OPHN1: variants seen among roughly 807,000 people sequenced by gnomAD.
OPHN1 encodes the protein oligophrenin 1, also known as oligophrenin-1.
OPHN1 carries 11 observed loss-of-function variants against 60.7 expected under a neutral mutation model. The ratio of observed to expected loss-of-function variants is 0.18; its 90% confidence interval spans 0.11 to 0.30. The LOEUF is 0.30. OPHN1 is among the 10% of genes least tolerant of loss of function. OPHN1 has a pLI of 1.00. For missense variants in OPHN1, 449 were observed against 611.0 expected, an observed-to-expected ratio of 0.73 and a Z score of 2.80; for synonymous variants, 226 against 222.6, an observed-to-expected ratio of 1.02 and a Z score of -0.14.
chrX:68,283,010 T>G, intron 4 of OPHN1, 46 bp downstream of exon 4: 1 of 1,027,431 alleles, frequency 9.7e-7, no homozygotes, highest in Non-Finnish European at 1.4e-6. Context: ...AAAAATCCCC[T>G]ATATCACCCA....
chrX:68,407,304 C>A lies in OPHN1; in HGVS notation c.154+25563G>T, dbSNP rs1167070576. On this transcript the variant is annotated intron_variant, in intron 2 of 24. Transcript: ENST00000355520. Reference sequence around the variant, plus strand: ...TTCTAGCCATCATGTGTCCATTGGGCAGCTCACTTGGTATCTTTCAGCTCA... The same window carrying A: ...TTCTAGCCATCATGTGTCCATTGGGAAGCTCACTTGGTATCTTTCAGCTCA... Among the ~76,000 whole-genome samples the A allele has an allele frequency of 2.7e-5, 3 of 112,327 alleles. No individual in the cohort carries two copies. In the Admixed American group the frequency reaches 2.9e-4, roughly 11 times the overall value.
intron 5 of OPHN1, among the ~76,000 whole-genome samples, chrX:68,255,019 A>G (rs1364889072): frequency 2.3e-5 from 2 of 87,711 alleles, no homozygotes; most frequent in African/African-American, 6.5e-5. Flanking sequence ...TGCCTCAAGA[A>G]AAAAAAAAAA....
intron 5 of OPHN1, among the ~76,000 whole-genome samples, chrX:68,259,248 C>T (rs755163552): frequency 2.1e-4 from 23 of 111,017 alleles, no homozygotes; most frequent in Admixed American, 1.7e-3. Context: ...ACCAGGAGTT[C>T]GAGACCAGTC....
At position 68,212,072 on chromosome X, in the gene OPHN1, G is replaced by T. The variant is rs200271422; in HGVS notation, c.702+36C>A. 9.9e-6 allele frequency: 10 copies of T among 1,013,161 alleles called. No homozygotes were observed. The South Asian group carries it at 1.8e-4, about 18-fold the overall frequency. The allele number at this position is 1,013,161 out of a possible 1,213,427, so 83.5% of individuals were successfully genotyped here. A position where few individuals can be genotyped will look rare whatever the true frequency, so the allele number is the denominator to read the frequency against. Reference sequence around the variant, plus strand: ...CTAGGGCTGAAATTCAATCGGAATGGAAAGACCGGTGAGAAAAATCCACAT... The same window carrying T: ...CTAGGGCTGAAATTCAATCGGAATGTAAAGACCGGTGAGAAAAATCCACAT... On this transcript the variant is annotated intron_variant, in intron 8 of 24. Coordinates refer to ENST00000355520, the MANE Select transcript of OPHN1 (RefSeq NM_002547.3).
chrX:68,368,960 G>A (rs993777766), intron 2 of OPHN1, among the ~76,000 whole-genome samples: 2 of 111,877 alleles, frequency 1.8e-5, no homozygotes, highest in African/African-American at 6.5e-5. Flanking sequence ...TGTAATCCCA[G>A]CACTTTGGGA....
intron 2 of OPHN1, among the ~76,000 whole-genome samples, chrX:68,370,154 A>G (rs1490727261): frequency 2.8e-5 from 3 of 105,625 alleles, no homozygotes; most frequent in African/African-American, 1.1e-4. Flanking sequence ...TTACCAATAG[A>G]CCTGCCCTAC....
intron 2 of OPHN1, among the ~76,000 whole-genome samples, chrX:68,409,300 C>G (rs2078758538): frequency 9.0e-6 from 1 of 111,405 alleles, no homozygotes; most frequent in African/African-American, 3.3e-5. Flanking sequence ...GTGCTTTCTG[C>G]TGGGCCACAC....
intron 2 of OPHN1, among the ~76,000 whole-genome samples, chrX:68,393,551 T>G (rs1301527207): frequency 8.9e-6 from 1 of 112,141 alleles, no homozygotes; most frequent in African/African-American, 3.2e-5. Context: ...AATTTGACAT[T>G]TGCATTTATT....
intron 23 of OPHN1, among the ~76,000 whole-genome samples, chrX:68,049,503 C>T (rs1007718058): frequency 9.0e-6 from 1 of 111,706 alleles, no homozygotes; most frequent in African/African-American, 3.3e-5. Context: ...CTGTTCCATT[C>T]CCACTGGGAA....
intron 21 of OPHN1, among the ~76,000 whole-genome samples, chrX:68,059,021 A>C: frequency 8.9e-6 from 1 of 112,099 alleles, no homozygotes; most frequent in Middle Eastern, 4.6e-3. Context: ...ACCTGCCCAA[A>C]GTCCCACAGC....
At chrX:68,050,592 T>C (rs188560188) in intron 23 of OPHN1, among the ~76,000 whole-genome samples, 3 of 112,193 alleles carry the variant, frequency 2.7e-5, no homozygotes, top group African/African-American at 9.7e-5. Context: ...TTCTTACATA[T>C]TTCCTTCTCA....
Position 68,201,635 on chromosome X carries a change from T to C in OPHN1, c.1009A>G (p.Ile337Val). 8.3e-7 allele frequency: 1 copy of C among 1,209,984 alleles called. No homozygotes were observed. The highest frequency in any genetic ancestry group is 1.7e-5 in the African/African-American group (1 of 57,860). ...ESIDKRFCFD[I>V]ETNERPGTIT... ...ACAGCTTACCTTTCATTAGTTTCTA[T>C]GTCAAAACAGAACCTCTTGTCGATA... The change falls in exon 11 of 25, where the codon ATA becomes GTA. Residue 337 changes from isoleucine (I) to valine (V), a missense_variant. Ile to Val is a conservative substitution (Grantham distance 29). This residue lies in a region of OPHN1 where 166 missense variants were observed against 278.4 expected (regional missense o/e 0.60). Transcript: ENST00000355520.
intron 5 of OPHN1, among the ~76,000 whole-genome samples, chrX:68,255,671 G>A (rs2147556420): frequency 9.1e-6 from 1 of 109,717 alleles, no homozygotes; most frequent in African/African-American, 3.3e-5. Context: ...TTTTGAACTT[G>A]CCAGCCCGTA....
chrX:68,141,844 A>G (rs761375260), intron 15 of OPHN1, among the ~76,000 whole-genome samples: 1 of 110,051 alleles, frequency 9.1e-6, no homozygotes, highest in Admixed American at 9.8e-5. Context: ...TAAAGGCCAA[A>G]AGAGGGAGAG....
rs182751434 is a variant in OPHN1, at chrX:68,162,448, C to T, written c.1276+30471G>A. On this transcript the variant is annotated intron_variant, in intron 15 of 24. Coordinates refer to ENST00000355520, the MANE Select transcript of OPHN1 (RefSeq NM_002547.3). ...GAGATTATTTTTTGAAAGCGTATGA[C>T]TGAGCAATATATATCCATGTCATCA... Among the ~76,000 whole-genome samples, 223 of 109,733 alleles carry T rather than the reference C, an allele frequency of 2.0e-3. 1 individual carries two copies. Among genetic ancestry groups the T allele is most frequent in the African/African-American group, 6.9e-3 (209 of 30,416 alleles).
chrX:68,104,361 A>T (rs1409749862), intron 18 of OPHN1, among the ~76,000 whole-genome samples: 1 of 111,868 alleles, frequency 8.9e-6, no homozygotes, highest in African/African-American at 3.3e-5. Flanking sequence ...AGCCAAGACA[A>T]TCCTAAGCAA....
intron 6 of OPHN1, among the ~76,000 whole-genome samples, chrX:68,230,364 C>T (rs1745123117): frequency 9.0e-6 from 1 of 111,376 alleles, no homozygotes; most frequent in African/African-American, 3.3e-5. Flanking sequence ...GGTGATTCCT[C>T]AAGGATCTAG....
intron 5 of OPHN1, among the ~76,000 whole-genome samples, chrX:68,261,731 G>A (rs1014613755): frequency 9.0e-6 from 1 of 111,446 alleles, no homozygotes; most frequent in Non-Finnish European, 1.9e-5. Flanking sequence ...TTCATCTATC[G>A]TTGGCTCCAG....
At chrX:68,287,772 A>T (rs1172634670) in intron 3 of OPHN1, among the ~76,000 whole-genome samples, 1 of 112,169 alleles carries the variant, frequency 8.9e-6, no homozygotes, top group African/African-American at 3.2e-5. Context: ...AGCCATTTTT[A>T]TTTAATAAAC....
Sources: allele counts gnomAD v4.1 joint callset (sites outside exome capture counted in the v4.1 genomes callset), GRCh38; gene constraint gnomAD v4.1.1; regional missense constraint gnomAD v4.1.1; transcripts MANE v1.5; gene names NCBI Gene and HGNC (gene_info 2026-07-23, HGNC 2026-07-21).